Variants in FAM168A observed in about 807,000 individuals in gnomAD.
The protein encoded by FAM168A is family with sequence similarity 168 member A.
Under a neutral mutation model 28.5 loss-of-function variants are expected in FAM168A, and 3 were observed. The ratio of observed to expected loss-of-function variants is 0.11; its 90% CI spans 0.05 to 0.27. The LOEUF (loss-of-function observed/expected upper bound fraction) is 0.27, where lower values mean the gene tolerates loss of function less well. FAM168A is among the 10% of genes least tolerant of loss of function. The probability of loss-of-function intolerance (pLI) is 1.00; values close to 1 mark genes in which losing one functional copy is unlikely to be tolerated. For synonymous variants in FAM168A, 122 were observed against 124.2 expected (o/e 0.98, Z 0.12); for missense variants, 222 against 311.5 (o/e 0.71, Z 2.16).
At chr11:73,579,381 T>A (rs1944217037) in intron 1 of FAM168A, among the ~76,000 whole-genome samples, 1 of 152,204 alleles carries the variant, frequency 6.6e-6, no homozygotes, top group Non-Finnish European at 1.5e-5. Flanking sequence ...TAAGTAACTA[T>A]ATAATATAAA....
chr11:73,503,183 T>C (rs2134626832), intron 1 of FAM168A, among the ~76,000 whole-genome samples: 1 of 152,224 alleles, frequency 6.6e-6, no homozygotes, highest in African/African-American at 2.4e-5. Context: ...ATAAAGCATA[T>C]TCAAATAGGA....
rs1177962862 is a variant in FAM168A at position 73,555,010 on chromosome 11, G to C, written c.-19+42913C>G. ...AGCAGCAGGAATGTGGCAAAGTCAAGAGAAGGTCAAGGTAGCCTTTGTTGA... is the reference window on the plus strand; with the variant it reads ...AGCAGCAGGAATGTGGCAAAGTCAACAGAAGGTCAAGGTAGCCTTTGTTGA... On this transcript the variant is annotated intron_variant, in intron 1 of 7. Transcript: ENST00000356467. Among the ~76,000 whole-genome samples the C allele has an allele frequency of 2.0e-5, 3 of 152,196 alleles. No homozygotes were observed. The East Asian group carries it at 5.8e-4, about 29-fold the overall frequency.
intron 1 of FAM168A, among the ~76,000 whole-genome samples, chr11:73,490,236 A>T (rs957367426): frequency 6.6e-6 from 1 of 152,002 alleles, no homozygotes; most frequent in African/African-American, 2.4e-5. Context: ...AATTCTCACT[A>T]CCCTCACTTC....
At chr11:73,425,604 A>C (rs1363666712) in intron 3 of FAM168A, among the ~76,000 whole-genome samples, 1 of 152,218 alleles carries the variant, frequency 6.6e-6, no homozygotes, top group Non-Finnish European at 1.5e-5. Context: ...TTTTGGAGAC[A>C]GTGTCTCACT....
At chr11:73,541,223 ATAAG>A (rs1310684376) in intron 1 of FAM168A, among the ~76,000 whole-genome samples, 3 of 151,996 alleles carry the variant, frequency 2.0e-5, no homozygotes, top group Non-Finnish European at 2.9e-5. Context: ...AAATAAATAA[ATAAG>A]CTCACAATCA....
rs377105476 is a variant in FAM168A at position 73,518,586 on chromosome 11, C to A, written c.-18-50094G>T. Among the ~76,000 whole-genome samples, 28 of 151,864 alleles carry A rather than the reference C, an allele frequency of 1.8e-4. No homozygotes were observed. The East Asian group carries it at 4.1e-3, about 22-fold the overall frequency. On this transcript the variant is annotated intron_variant, in intron 1 of 7. Coordinates refer to ENST00000356467, the MANE Select transcript of FAM168A (RefSeq NM_015159.3). ...GGAAAAGTTCTTGCTCTGTTTGTTCCCTCCAGTGCTGGCTCTTAAAACGAA... is the reference window on the plus strand; with the variant it reads ...GGAAAAGTTCTTGCTCTGTTTGTTCACTCCAGTGCTGGCTCTTAAAACGAA...
chr11:73,560,671 C>T (rs976949468), intron 1 of FAM168A, among the ~76,000 whole-genome samples: 1 of 152,246 alleles, frequency 6.6e-6, no homozygotes, highest in African/African-American at 2.4e-5. Context: ...ATACTAAATG[C>T]CGACAAGTAT....
chr11:73,413,517 C>A (rs1047024322), intron 4 of FAM168A, among the ~76,000 whole-genome samples: 2 of 152,104 alleles, frequency 1.3e-5, no homozygotes, highest in Non-Finnish European at 2.9e-5. Context: ...GGGAGACTAG[C>A]TTTGCAGATG....
intron 1 of FAM168A, among the ~76,000 whole-genome samples, chr11:73,548,850 A>G (rs980325949): frequency 1.3e-5 from 2 of 151,998 alleles, no homozygotes; most frequent in African/African-American, 4.8e-5. Flanking sequence ...TGCCCTGGCT[A>G]GACTTGAACT....
chr11:73,594,191 T>C (rs1944415746), intron 1 of FAM168A, among the ~76,000 whole-genome samples: 1 of 151,934 alleles, frequency 6.6e-6, no homozygotes, highest in Non-Finnish European at 1.5e-5. Flanking sequence ...AGCCTTGACC[T>C]CCCTGGCTCA....
chr11:73,505,295 C>G (rs1373389904), intron 1 of FAM168A, among the ~76,000 whole-genome samples: 2 of 150,800 alleles, frequency 1.3e-5, no homozygotes, highest in Admixed American at 6.6e-5. Context: ...GGTTCAGATT[C>G]TGGCTCCACT....
At chr11:73,409,397 G>A (rs1866566772) in intron 6 of FAM168A, 90 bp downstream of exon 6, 8 of 1,539,812 alleles carry the variant, frequency 5.2e-6, no homozygotes, top group Non-Finnish European at 6.2e-6. Context: ...CTCTTGTGCT[G>A]TGCTGCAGCC....
At chr11:73,568,838 T>C (rs1480283925) in intron 1 of FAM168A, among the ~76,000 whole-genome samples, 1 of 151,982 alleles carries the variant, frequency 6.6e-6, no homozygotes, top group Non-Finnish European at 1.5e-5. Flanking sequence ...GAGGTTGCAG[T>C]GCACCAAAAT....
In FAM168A at chr11:73,419,997, T is replaced by C. The variant is rs751717764; in HGVS notation, c.154A>G (p.Thr52Ala). 7.4e-6 allele frequency: 12 copies of C among 1,612,946 alleles called. No individual in the cohort carries two copies. Among genetic ancestry groups the C allele is most frequent in the Admixed American group, 5.0e-5 (3 of 59,908 alleles). ...PTNSPSYAPATLLMKQAWPQN... is the reference protein window; with the variant it reads ...PTNSPSYAPAALLMKQAWPQN... ...GGCCAGGCCTGTTTCATCAGCAGAG[T>C]TGCTTAAGGGAAGACACAAGAATGG... is the stretch of plus-strand genomic sequence containing the variant. Residue 52 changes from threonine (T) to alanine (A), a missense_variant and splice_region_variant, in exon 4 of 8, where the codon ACT becomes GCT. Around this residue, in one of 3 missense-constraint regions of FAM168A, gnomAD observed 153 missense variants for 189.2 expected, o/e 0.81. Coordinates refer to ENST00000356467, the MANE Select transcript of FAM168A (RefSeq NM_015159.3).
At chr11:73,470,036 C>T (rs943852252) in intron 1 of FAM168A, among the ~76,000 whole-genome samples, 2 of 151,922 alleles carry the variant, frequency 1.3e-5, no homozygotes, top group East Asian at 1.9e-4. Flanking sequence ...CTCAGCCTCC[C>T]GAGTAGCTGG....
intron 1 of FAM168A, among the ~76,000 whole-genome samples, chr11:73,495,999 ACAGC>A (rs139762049): frequency 2.8e-4 from 43 of 152,370 alleles, no homozygotes; most frequent in Non-Finnish European, 5.1e-4. Context: ...ACTATGGACA[ACAGC>A]CAAAGAGTGG....
intron 1 of FAM168A, among the ~76,000 whole-genome samples, chr11:73,591,153 AAG>A (rs1038110684): frequency 6.6e-6 from 1 of 152,136 alleles, no homozygotes; most frequent in African/African-American, 2.4e-5. Flanking sequence ...CAAAAAAAAA[AAG>A]AAGACTACTG....
intron 2 of FAM168A, among the ~76,000 whole-genome samples, chr11:73,445,050 G>A (rs990529609): frequency 1.3e-5 from 2 of 152,066 alleles, no homozygotes; most frequent in East Asian, 1.9e-4. Context: ...ACCTGAGGTC[G>A]GGAGTTCAAG....
At chr11:73,456,168 T>C (rs953455285) in intron 2 of FAM168A, among the ~76,000 whole-genome samples, 1 of 152,174 alleles carries the variant, frequency 6.6e-6, no homozygotes, top group Non-Finnish European at 1.5e-5. Context: ...TGGCTTACCA[T>C]AGAAAAGATG....
Sources: allele counts gnomAD v4.1 joint callset (sites outside exome capture counted in the v4.1 genomes callset), GRCh38; gene constraint gnomAD v4.1.1; regional missense constraint gnomAD v4.1.1; transcripts MANE v1.5; gene names NCBI Gene and HGNC (gene_info 2026-07-23, HGNC 2026-07-21).